Variants in ABI3BP observed in about 807,000 individuals in gnomAD.
The protein encoded by ABI3BP is target of Nesh-SH3.
A neutral mutation model predicts 268.6 loss-of-function variants in ABI3BP; 216 were observed. That is an observed-to-expected ratio of 0.80 (90% confidence interval 0.72 to 0.90). The LOEUF (loss-of-function observed/expected upper bound fraction) is 0.90. Among genes scored for constraint, ABI3BP ranks in the 40% least tolerant of loss-of-function variants. ABI3BP has a pLI of 0.00. For missense variants in ABI3BP, 2,090 were observed against 2,182.4 expected, an observed-to-expected ratio of 0.96 and a Z score of 0.84; for synonymous variants, 730 against 730.0, an observed-to-expected ratio of 1.00 and a Z score of 0.00.
intron 3 of ABI3BP, among the ~76,000 whole-genome samples, chr3:100,901,617 T>A (rs987946419): frequency 6.6e-6 from 1 of 151,756 alleles, no homozygotes; most frequent in Non-Finnish European, 1.5e-5. Context: ...ATACAAAAAA[T>A]TAGCCGGGCC....
intron 1 of ABI3BP, among the ~76,000 whole-genome samples, chr3:100,944,787 A>G (rs2071305185): frequency 6.6e-6 from 1 of 152,168 alleles, no homozygotes; most frequent in Non-Finnish European, 1.5e-5. Context: ...TCACAGCATC[A>G]AAAGTCTTCT....
Position 100,846,395 on chromosome 3 carries a change from G to C in ABI3BP, c.1700C>G (p.Pro567Arg). ...ISLKPKIPLS[P>R]EVTHTKPAPE... ...ACCAGGTTTGGTGTGTGTCACTTCT[G>C]GGCTGAGAGGGATTTTAGGTTTCAG... Residue 567 changes from proline to arginine, a missense_variant, in exon 20 of 68, where the codon CCA (proline) becomes CGA (arginine). Coordinates refer to ENST00000471714, the MANE Select transcript of ABI3BP (RefSeq NM_001375547.2). 1 of 1,602,222 alleles carries C rather than the reference G, an allele frequency of 6.2e-7. No individual in the cohort carries two copies. Among genetic ancestry groups the C allele is most frequent in the South Asian group, 1.1e-5 (1 of 88,266 alleles).
rs573835668 is a variant in ABI3BP, at chr3:100,940,900, A to G, written c.80-14419T>C. Among the ~76,000 whole-genome samples, 13 of 137,400 alleles carry G rather than the reference A, an allele frequency of 9.5e-5. No homozygotes were observed. The East Asian group carries it at 2.7e-3, about 28-fold the overall frequency. 90.1% of individuals were successfully genotyped at this position (137,400 alleles called of 152,430 possible). On this transcript the variant is annotated intron_variant, in intron 1 of 67. Coordinates refer to ENST00000471714, the MANE Select transcript of ABI3BP (RefSeq NM_001375547.2). ...CAATTCTGGACTTTTGTAAATTAAT[A>G]GCACACAGATTTAGAGGTGGACAGA...
intron 38 of ABI3BP, among the ~76,000 whole-genome samples, chr3:100,821,663 C>T (rs913389485): frequency 7.2e-6 from 1 of 138,868 alleles, no homozygotes; most frequent in African/African-American, 2.8e-5. Flanking sequence ...AGTGCAGTGG[C>T]GCGATCTCGG....
intron 20 of ABI3BP, chr3:100,843,558 AG>A (rs1560714608): frequency 2.0e-6 from 2 of 979,448 alleles, no homozygotes; most frequent in African/African-American, 3.6e-5. Context: ...AGAGAGAGAG[AG>A]AGAGAGAGGG....
chr3:100,909,910 T>A (rs1269088212), intron 2 of ABI3BP, among the ~76,000 whole-genome samples: 4 of 152,114 alleles, frequency 2.6e-5, no homozygotes, highest in Non-Finnish European at 4.4e-5. Context: ...CAGCAATCCC[T>A]TTACTGGGTA....
intron 19 of ABI3BP, among the ~76,000 whole-genome samples, chr3:100,846,857 C>T (rs1004757485): frequency 2.7e-4 from 41 of 152,220 alleles, no homozygotes; most frequent in Middle Eastern, 3.4e-3. Flanking sequence ...TATTCACTGA[C>T]GTATGTGCAG....
chr3:100,958,030 C>G (rs73143100), intron 1 of ABI3BP, among the ~76,000 whole-genome samples: 10 of 149,000 alleles, frequency 6.7e-5, no homozygotes, highest in Non-Finnish European at 1.2e-4. Flanking sequence ...GTTTTGGAAT[C>G]CATAAGGAAA....
intron 1 of ABI3BP, among the ~76,000 whole-genome samples, chr3:100,956,829 T>C (rs532950623): frequency 1.3e-5 from 2 of 152,044 alleles, no homozygotes; most frequent in Admixed American, 1.3e-4. Context: ...GGAAGAACAT[T>C]CTAGGCTGAA....
chr3:100,801,472 G>T (rs1043648525), intron 51 of ABI3BP, among the ~76,000 whole-genome samples: 1 of 143,250 alleles, frequency 7.0e-6, no homozygotes, highest in Non-Finnish European at 1.5e-5. Flanking sequence ...AAGATCTAAA[G>T]AATTAATTTA....
intron 1 of ABI3BP, among the ~76,000 whole-genome samples, chr3:100,989,009 G>T (rs1277987673): frequency 1.3e-5 from 2 of 152,158 alleles, no homozygotes; most frequent in Non-Finnish European, 2.9e-5. Context: ...CAAAATTCAG[G>T]TGTTGCCAGT....
chr3:100,958,534 T>C (rs544724964), intron 1 of ABI3BP, among the ~76,000 whole-genome samples: 8 of 152,326 alleles, frequency 5.3e-5, no homozygotes, highest in African/African-American at 1.9e-4. Context: ...TATGAAAGTG[T>C]CCTAAAACTT....
At chr3:100,987,027 C>T (rs2091968129) in intron 1 of ABI3BP, among the ~76,000 whole-genome samples, 2 of 151,946 alleles carry the variant, frequency 1.3e-5, no homozygotes, top group African/African-American at 4.8e-5. Flanking sequence ...CTCTAGATAA[C>T]TAGATAATCT....
At chr3:100,790,344 C>T in intron 55 of ABI3BP, among the ~76,000 whole-genome samples, 1 of 152,036 alleles carries the variant, frequency 6.6e-6, no homozygotes, top group Non-Finnish European at 1.5e-5. Flanking sequence ...TTCCCTATCA[C>T]ATACTGCCTC....
intron 40 of ABI3BP, among the ~76,000 whole-genome samples, chr3:100,819,367 C>CT (rs2098139100): frequency 6.6e-6 from 1 of 152,034 alleles, no homozygotes. Flanking sequence ...ATAACATTTT[C>CT]TTTTTCTAAG....
intron 36 of ABI3BP, among the ~76,000 whole-genome samples, 171 bp downstream of exon 36, chr3:100,824,687 C>T (rs1398326601): frequency 6.6e-6 from 1 of 152,124 alleles, no homozygotes; most frequent in Non-Finnish European, 1.5e-5. Context: ...TGGGTCTCAC[C>T]CACACATTAT....
chr3:100,898,684 T>A, intron 4 of ABI3BP, 78 bp downstream of exon 4: 1 of 1,488,252 alleles, frequency 6.7e-7, no homozygotes, highest in Non-Finnish European at 9.1e-7. Flanking sequence ...AGGTGTTAAG[T>A]CAATGCTAAC....
At chr3:100,836,558 C>T (rs980946895) in intron 27 of ABI3BP, among the ~76,000 whole-genome samples, 2 of 152,082 alleles carry the variant, frequency 1.3e-5, no homozygotes, top group African/African-American at 2.4e-5. Context: ...GTCAGGACAA[C>T]AGGATGACAA....
At chr3:100,984,483 GAAT>G (rs1483763275) in intron 1 of ABI3BP, among the ~76,000 whole-genome samples, 2 of 152,184 alleles carry the variant, frequency 1.3e-5, no homozygotes, top group Non-Finnish European at 1.5e-5. Flanking sequence ...CTTGACTGGA[GAAT>G]GATGACAAAT....
Sources: gnomAD v4.1 joint callset for allele counts (sites outside exome capture counted in the v4.1 genomes callset) on GRCh38, gnomAD v4.1.1 for gene constraint, MANE v1.5 for transcripts, NCBI Gene and HGNC (gene_info 2026-07-23, HGNC 2026-07-21) for gene names.